The following RPRD2 variants were observed in gnomAD, a reference collection of about 807,000 sequenced individuals.
RPRD2 encodes regulation of nuclear pre-mRNA domain containing 2.
RPRD2 carries 12 observed loss-of-function variants against 104.4 expected under a neutral mutation model. The ratio of observed to expected loss-of-function variants is 0.11; its 90% CI spans 0.07 to 0.19. The LOEUF is 0.19. RPRD2 is among the 10% of genes least tolerant of loss of function. The pLI is 1.00. For synonymous variants in RPRD2, 714 were observed against 684.9 expected, an observed-to-expected ratio of 1.04 and a Z score of -0.66; for missense variants, 1,543 against 1,790.1, an observed-to-expected ratio of 0.86 and a Z score of 2.49.
rs1221684017 is a variant in RPRD2 at position 150,473,169 on chromosome 1, C to T, written c.4221C>T (p.Ile1407=). ...TGGGTCCCTCACACAGAGACACCAT[C>T]AGCCGGAGTGGTATAATCTTACGGA... The part of the protein sequence containing the change: ...PPLGPSHRDT[I]SRSGIILRSP... The change falls in exon 11 of 11, where the codon ATC becomes ATT. Residue 1407 remains isoleucine, a synonymous_variant. Transcript: ENST00000369068. The T allele has an allele frequency of 1.9e-6, 3 of 1,613,888 alleles. No individual in the cohort carries two copies. Among genetic ancestry groups the T allele is most frequent in the African/African-American group, 1.3e-5 (1 of 74,938 alleles).
At position 150,472,326 on chromosome 1, in the gene RPRD2, G is replaced by A. The variant is rs1560232348; in HGVS notation, c.3378G>A (p.Val1126=). Residue 1126 remains valine, a synonymous_variant, in exon 11 of 11, where the codon GTG becomes GTA. Transcript: ENST00000369068. ...NRGHGREASR[V]GWFDLSTSGS... ...GACATGGGCGTGAGGCTTCAAGGGT[G>A]GGTTGGTTTGATCTGAGCACATCAG... 1.2e-6 allele frequency: 2 copies of A among 1,613,968 alleles called. No individual in the cohort carries two copies. The highest frequency in any genetic ancestry group is 1.7e-6 in the Non-Finnish European group (2 of 1,179,882).
chr1:150,438,833 A>G (rs1333697942), intron 2 of RPRD2, among the ~76,000 whole-genome samples: 2 of 151,882 alleles, frequency 1.3e-5, no homozygotes, highest in East Asian at 1.9e-4. Context: ...TGGTAAGTAC[A>G]TATCTAAACT....
At chr1:150,395,402 T>TAC (rs1453416852) in intron 1 of RPRD2, among the ~76,000 whole-genome samples, 5 of 152,050 alleles carry the variant, frequency 3.3e-5, no homozygotes, top group Admixed American at 2.0e-4. Context: ...TGTGTGTGTA[T>TAC]ACACATCACA....
At position 150,473,279 on chromosome 1, in the gene RPRD2, C is replaced by T. The variant is rs1177868039; in HGVS notation, c.4331C>T (p.Ala1444Val). ...TTAAAGAGACCCAGGCCACCTTTTG[C>T]TAGGGGCCCTCCGTTCTTTGCACCA... ...HSLKRPRPPF[A>V]RGPPFFAPKR... The change falls in exon 11 of 11, where the codon GCT becomes GTT. Residue 1444 changes from alanine to valine, a missense_variant. By Grantham distance (64) the Ala-to-Val change is moderately conservative. This residue lies in a region of RPRD2 where 880 missense variants were observed against 885.6 expected (regional missense o/e 0.99). Coordinates refer to ENST00000369068, the MANE Select transcript of RPRD2 (RefSeq NM_015203.5). The T allele has an allele frequency of 1.2e-6, 2 of 1,613,644 alleles. No individual in the cohort carries two copies. The highest frequency in any genetic ancestry group is 2.7e-5 in the African/African-American group (2 of 74,904).
At chr1:150,464,391 G>C in intron 9 of RPRD2, 136 bp from the exon 10 acceptor site, 2 of 419,296 alleles carry the variant, frequency 4.8e-6, no homozygotes, top group Non-Finnish European at 4.2e-6. Context: ...TACATGTCAT[G>C]TTATGATGGA....
In RPRD2 at chr1:150,453,991, C is replaced by G. The variant is rs587686403; in HGVS notation, c.871-3297C>G. On this transcript the variant is annotated intron_variant, in intron 7 of 10. Transcript: ENST00000369068. Reference sequence around the variant, plus strand: ...GAATGTAGATTTTTCCCACAGAGAGCCTGGAATGATCACTAAGCCCCCTTC... The same window carrying G: ...GAATGTAGATTTTTCCCACAGAGAGGCTGGAATGATCACTAAGCCCCCTTC... Among the ~76,000 whole-genome samples the G allele has an allele frequency of 7.2e-5, 11 of 152,246 alleles. No homozygotes were observed. The South Asian group carries it at 2.3e-3, about 32-fold the overall frequency.
At position 150,433,836 on chromosome 1, in the gene RPRD2, A is replaced by T. The variant is rs1308685888; in HGVS notation, c.336-7087A>T. Among the ~76,000 whole-genome samples the T allele has an allele frequency of 2.1e-5, 3 of 145,252 alleles. No homozygotes were observed. In the East Asian group the frequency reaches 5.8e-4, roughly 28 times the overall value. On this transcript the variant is annotated intron_variant, in intron 2 of 10. Coordinates refer to ENST00000369068, the MANE Select transcript of RPRD2 (RefSeq NM_015203.5). ...ATAATATATGTAATATAATATACATAATATGTTATATATATGTTATATATA... is the reference window on the plus strand; with the variant it reads ...ATAATATATGTAATATAATATACATTATATGTTATATATATGTTATATATA...
At chr1:150,459,850 G>A (rs997689038) in intron 8 of RPRD2, among the ~76,000 whole-genome samples, 18 of 151,976 alleles carry the variant, frequency 1.2e-4, no homozygotes, top group Admixed American at 1.1e-3. Flanking sequence ...GTCCCCAGCT[G>A]GAAATTGCTT....
intron 7 of RPRD2, among the ~76,000 whole-genome samples, chr1:150,455,528 A>G (rs1422696602): frequency 4.6e-5 from 7 of 151,866 alleles, no homozygotes; most frequent in Non-Finnish European, 8.8e-5. Context: ...AAAGTCCAGC[A>G]AAGTGTCACA....
Position 150,474,461 on chromosome 1 carries a change from C to G in RPRD2, c.*1127C>G, listed in dbSNP as rs1007407183. 2.0e-5 allele frequency: 3 copies of G among 152,062 alleles called. No homozygotes were observed. Among genetic ancestry groups the G allele is most frequent in the African/African-American group, 4.8e-5 (2 of 41,386 alleles). 9.4% of individuals were successfully genotyped at this position (152,062 alleles called of 1,614,324 possible). ...TTTCCTTTATATTATACACATGTGT[C>G]TATCCCATTTCAAGGCTCAAGTCTT... On this transcript the variant is annotated 3_prime_UTR_variant, in exon 11 of 11. Coordinates refer to ENST00000369068, the MANE Select transcript of RPRD2 (RefSeq NM_015203.5).
chr1:150,432,628 T>TAAAAAAAAAAAAAAGAAAA (rs34187447), intron 2 of RPRD2, among the ~76,000 whole-genome samples: 1 of 113,444 alleles, frequency 8.8e-6, no homozygotes, highest in Non-Finnish European at 1.7e-5. Flanking sequence ...AAGAAAATGA[T>TAAAAAAAAAAAAAAGAAAA]AAAAAAAAAA....
intron 6 of RPRD2, 116 bp from the exon 7 acceptor site, chr1:150,446,110 G>A: frequency 1.5e-6 from 1 of 663,052 alleles, no homozygotes; most frequent in Non-Finnish European, 2.5e-6. Flanking sequence ...TTAGAGTACT[G>A]CACAGTAAGG....
intron 1 of RPRD2, among the ~76,000 whole-genome samples, chr1:150,385,806 C>G (rs1553881712): frequency 6.6e-6 from 1 of 152,188 alleles, no homozygotes; most frequent in South Asian, 2.1e-4. Context: ...TCTTGGCCAA[C>G]TTGACTAAGA....
At chr1:150,428,249 C>T (rs1294321553) in intron 2 of RPRD2, among the ~76,000 whole-genome samples, 4 of 151,748 alleles carry the variant, frequency 2.6e-5, no homozygotes, top group East Asian at 1.9e-4. Flanking sequence ...GTCAGGAGTT[C>T]GAGACCAGCC....
rs1340606787 is a variant in RPRD2 at position 150,471,196 on chromosome 1, A to G, written c.2248A>G (p.Met750Val). The change falls in exon 11 of 11, where the codon ATG (methionine) becomes GTG (valine). Residue 750 changes from methionine (M) to valine (V), a missense_variant. This residue lies in a region of RPRD2 where 572 missense variants were observed against 787.3 expected (regional missense o/e 0.73). Transcript: ENST00000369068. This position sits in a 1 kb window ranked among gnomAD's most constrained non-coding sequence, Gnocchi z 5.3. ...GCCCACATCCAGCAGTGTAGATACT[A>G]TGTCCCTGCTTTCTAAGATCATTAG... Reference protein sequence around the residue: ...DKPTSSSVDTMSLLSKIISPG... With the variant: ...DKPTSSSVDTVSLLSKIISPG... 10 of 1,613,316 alleles carry G rather than the reference A, an allele frequency of 6.2e-6. No individual in the cohort carries two copies. The Admixed American group carries it at 1.2e-4, about 19-fold the overall frequency.
intron 2 of RPRD2, among the ~76,000 whole-genome samples, chr1:150,430,936 A>C (rs1392597217): frequency 6.6e-6 from 1 of 152,182 alleles, no homozygotes; most frequent in African/African-American, 2.4e-5. Context: ...TCAAAAAAAA[A>C]AAGATAACAC....
At chr1:150,422,027 C>T (rs1412344413) in intron 2 of RPRD2, among the ~76,000 whole-genome samples, 5 of 150,212 alleles carry the variant, frequency 3.3e-5, no homozygotes, top group African/African-American at 1.2e-4. Context: ...TAAACAGCCC[C>T]ATCCTAACCA....
chr1:150,462,845 G>A (rs184847119), intron 9 of RPRD2, among the ~76,000 whole-genome samples: 1 of 151,996 alleles, frequency 6.6e-6, no homozygotes, highest in Admixed American at 6.6e-5. Flanking sequence ...GTGAGCCACC[G>A]CATCCGGCCA....
chr1:150,401,574 CT>C, intron 1 of RPRD2, among the ~76,000 whole-genome samples: 2 of 152,196 alleles, frequency 1.3e-5, no homozygotes, highest in South Asian at 4.1e-4. Context: ...ACCTCCTGGA[CT>C]CAAGCAATCC....
Sources: gnomAD v4.1 joint callset for allele counts (sites outside exome capture counted in the v4.1 genomes callset) on GRCh38, gnomAD v4.1.1 for gene constraint, gnomAD v4.1.1 regional missense constraint, Gnocchi (gnomAD v3.1) non-coding constraint, MANE v1.5 for transcripts, NCBI Gene and HGNC (gene_info 2026-07-23, HGNC 2026-07-21) for gene names.